ARHGAP15: variants seen among roughly 807,000 people sequenced by gnomAD.
The protein encoded by ARHGAP15 is Rho GTPase activating protein 15, also known as rho GTPase-activating protein 15.
Under a neutral mutation model 63.7 loss-of-function variants are expected in ARHGAP15, and 51 were observed. That is an observed-to-expected ratio of 0.80 (90% CI 0.64 to 1.01). The LOEUF (loss-of-function observed/expected upper bound fraction) is 1.01. Among genes scored for constraint, ARHGAP15 ranks in the 50% least tolerant of loss-of-function variants. ARHGAP15 has a pLI of 0.00. For missense variants in ARHGAP15, 560 were observed against 564.6 expected (o/e 0.99, Z 0.08); for synonymous variants, 191 against 193.8 (o/e 0.99, Z 0.12).
chr2:143,144,675 A>G (rs548488941), intron 1 of ARHGAP15, among the ~76,000 whole-genome samples: 15 of 152,012 alleles, frequency 9.9e-5, no homozygotes, highest in Non-Finnish European at 2.1e-4. Context: ...GTGTCTATTT[A>G]TCTATTTACT....
intron 6 of ARHGAP15, among the ~76,000 whole-genome samples, chr2:143,292,983 T>C (rs1682474589): frequency 6.6e-6 from 1 of 152,068 alleles, no homozygotes; most frequent in African/African-American, 2.4e-5. Flanking sequence ...TTCGAACTTT[T>C]CCTTTAGCAC....
chr2:143,486,002 C>A (rs1482260781), intron 8 of ARHGAP15, among the ~76,000 whole-genome samples: 1 of 152,096 alleles, frequency 6.6e-6, no homozygotes, highest in Non-Finnish European at 1.5e-5. Flanking sequence ...CACCTTAATT[C>A]CCCATTTTGC....
At chr2:143,390,954 C>T (rs1232692527) in intron 6 of ARHGAP15, among the ~76,000 whole-genome samples, 1 of 152,090 alleles carries the variant, frequency 6.6e-6, no homozygotes, top group African/African-American at 2.4e-5. Flanking sequence ...ATTGTGGGAC[C>T]AGCTTTTTAC....
chr2:143,217,674 C>T (rs530869021), intron 4 of ARHGAP15, among the ~76,000 whole-genome samples: 4 of 152,256 alleles, frequency 2.6e-5, no homozygotes, highest in Admixed American at 6.5e-5. Context: ...CGAGTGCTCT[C>T]CTTTCCCCTA....
At chr2:143,716,449 A>T (rs1684816159) in intron 13 of ARHGAP15, among the ~76,000 whole-genome samples, 1 of 152,228 alleles carries the variant, frequency 6.6e-6, no homozygotes, top group Admixed American at 6.5e-5. Context: ...CTCACTACTA[A>T]ATAACTTCTA....
intron 9 of ARHGAP15, among the ~76,000 whole-genome samples, chr2:143,504,487 T>A (rs1693212455): frequency 2.0e-5 from 3 of 152,204 alleles, no homozygotes; most frequent in Admixed American, 6.5e-5. Context: ...AATTGGTACT[T>A]GTTATCTACT....
chr2:143,639,902 C>T (rs1170754782), intron 12 of ARHGAP15, among the ~76,000 whole-genome samples: 1 of 152,092 alleles, frequency 6.6e-6, no homozygotes, highest in Non-Finnish European at 1.5e-5. Context: ...TAAAACACAG[C>T]AAACTTACAG....
At chr2:143,619,281 A>G (rs1356567041) in intron 11 of ARHGAP15, among the ~76,000 whole-genome samples, 1 of 152,200 alleles carries the variant, frequency 6.6e-6, no homozygotes, top group Non-Finnish European at 1.5e-5. Flanking sequence ...CTTGATATAA[A>G]TAAGTTTTTA....
intron 11 of ARHGAP15, among the ~76,000 whole-genome samples, chr2:143,606,267 A>C (rs1698025932): frequency 6.6e-6 from 1 of 152,152 alleles, no homozygotes; most frequent in Non-Finnish European, 1.5e-5. Flanking sequence ...TGGCTCTCCT[A>C]TTCACAAATT....
chr2:143,711,062 A>C (rs1460300058), intron 13 of ARHGAP15, among the ~76,000 whole-genome samples: 1 of 152,144 alleles, frequency 6.6e-6, no homozygotes, highest in East Asian at 1.9e-4. Context: ...TTTGTCAATA[A>C]AGTTTTATTG....
intron 6 of ARHGAP15, among the ~76,000 whole-genome samples, chr2:143,312,549 T>A (rs1683498675): frequency 6.6e-6 from 1 of 152,158 alleles, no homozygotes; most frequent in South Asian, 2.1e-4. Context: ...TTTTTAAACA[T>A]TCAGGCCTTT....
intron 9 of ARHGAP15, among the ~76,000 whole-genome samples, chr2:143,514,597 C>A (rs1693725544): frequency 6.6e-6 from 1 of 152,192 alleles, no homozygotes; most frequent in Non-Finnish European, 1.5e-5. Flanking sequence ...CTCATCACCA[C>A]CTATGTGAGT....
intron 6 of ARHGAP15, among the ~76,000 whole-genome samples, chr2:143,353,296 A>T (rs1449258748): frequency 6.6e-6 from 1 of 152,192 alleles, no homozygotes; most frequent in Non-Finnish European, 1.5e-5. Context: ...TCTCTAAAAA[A>T]ATTAAATAAT....
At chr2:143,679,830 A>G (rs1683016168) in intron 12 of ARHGAP15, among the ~76,000 whole-genome samples, 1 of 152,108 alleles carries the variant, frequency 6.6e-6, no homozygotes, top group Non-Finnish European at 1.5e-5. Flanking sequence ...TATTATTCAT[A>G]TCATTCAGTA....
In ARHGAP15 at chr2:143,727,418, AAAAG is replaced by A. The variant is rs143274336; in HGVS notation, c.1244+23902_1244+23905del. Reference sequence around the variant, plus strand: ...CTATATTTCAGTGGGAGTCCAAGGAAAAAGAAAGAAACTTTTAAAAAAATAACCT... The same window carrying A: ...CTATATTTCAGTGGGAGTCCAAGGAAAAAGAAACTTTTAAAAAAATAACCT... On this transcript the variant is annotated intron_variant, in intron 13 of 13. Coordinates refer to ENST00000295095, the MANE Select transcript of ARHGAP15 (RefSeq NM_018460.4). 8.9e-4 allele frequency among the ~76,000 whole-genome samples: 135 copies of A among 152,288 alleles called. No individual in the cohort carries two copies. In the East Asian group the frequency reaches 0.011, roughly 13 times the overall value.
At chr2:143,479,874 CAAAAA>C (rs5834953) in intron 8 of ARHGAP15, among the ~76,000 whole-genome samples, 1 of 149,704 alleles carries the variant, frequency 6.7e-6, no homozygotes, top group Non-Finnish European at 1.5e-5. Flanking sequence ...ACCTGTGACG[CAAAAA>C]AAAAAAGTCA....
chr2:143,245,573 T>C (rs1043567082), intron 5 of ARHGAP15, among the ~76,000 whole-genome samples: 2 of 151,434 alleles, frequency 1.3e-5, no homozygotes, highest in Admixed American at 6.6e-5. Flanking sequence ...ATAAGTGAGA[T>C]TGAGAAAAAG....
At chr2:143,762,087 C>CT (rs933860039) in intron 13 of ARHGAP15, among the ~76,000 whole-genome samples, 14 of 152,010 alleles carry the variant, frequency 9.2e-5, no homozygotes, top group African/African-American at 2.9e-4. Context: ...AGTTTGGGGC[C>CT]TTTTTTTCTG....
At chr2:143,336,113 GC>G (rs1400253066) in intron 6 of ARHGAP15, among the ~76,000 whole-genome samples, 3 of 152,084 alleles carry the variant, frequency 2.0e-5, no homozygotes, top group Admixed American at 6.5e-5. Flanking sequence ...CGATCCTCCT[GC>G]CTCAGTATCC....
Sources: gnomAD v4.1 joint callset for allele counts (sites outside exome capture counted in the v4.1 genomes callset) on GRCh38, gnomAD v4.1.1 for gene constraint, MANE v1.5 for transcripts, NCBI Gene and HGNC (gene_info 2026-07-23, HGNC 2026-07-21) for gene names.